Variants in DTNBP1 observed in about 807,000 individuals in gnomAD.
The protein encoded by DTNBP1 is dysbindin.
DTNBP1 carries 35 observed loss-of-function variants against 42.8 expected under a neutral mutation model. The ratio of observed to expected loss-of-function variants is 0.82; its 90% confidence interval spans 0.63 to 1.09. DTNBP1 has a LOEUF of 1.09. Ranked by LOEUF, DTNBP1 falls within the 50% of genes least tolerant of loss-of-function variation. The probability of loss-of-function intolerance (pLI) is 0.00; values close to 1 mark genes in which losing one functional copy is unlikely to be tolerated. For missense variants in DTNBP1, 457 were observed against 424.2 expected, an observed-to-expected ratio of 1.08 and a Z score of -0.68; for synonymous variants, 171 against 162.2, an observed-to-expected ratio of 1.05 and a Z score of -0.41.
intron 7 of DTNBP1, chr6:15,548,450 C>CACACACACAG (rs1774014538): frequency 6.7e-6 from 1 of 150,368 alleles, no homozygotes; most frequent in African/African-American, 2.5e-5. Flanking sequence ...CACACACACA[C>CACACACACAG]ACACACACAC....
rs189683532 is a variant in DTNBP1, at chr6:15,631,880, G to T, written c.223-4405C>A. 3.0e-3 allele frequency among the ~76,000 whole-genome samples: 460 copies of T among 152,272 alleles called. 3 individuals are homozygous for T. Among genetic ancestry groups the T allele is most frequent in the African/African-American group, 0.01 (430 of 41,552 alleles). ...TGATTGTTCTAATTTATACTCCCAAGTTCTAGTTGTTTATCATCACATTTC... is the reference window on the plus strand; with the variant it reads ...TGATTGTTCTAATTTATACTCCCAATTTCTAGTTGTTTATCATCACATTTC... On this transcript the variant is annotated intron_variant, in intron 4 of 9. Transcript: ENST00000344537.
intron 7 of DTNBP1, among the ~76,000 whole-genome samples, chr6:15,559,716 A>G (rs1774733117): frequency 6.6e-6 from 1 of 152,200 alleles, no homozygotes; most frequent in Non-Finnish European, 1.5e-5. Context: ...AAACGGCCCA[A>G]TTCTTCTCCA....
intron 7 of DTNBP1, among the ~76,000 whole-genome samples, chr6:15,538,107 G>A (rs1294153588): frequency 6.6e-6 from 1 of 152,182 alleles, no homozygotes; most frequent in Admixed American, 6.5e-5. Flanking sequence ...GGGCTGGGAT[G>A]GATTTTACCC....
intron 6 of DTNBP1, among the ~76,000 whole-genome samples, chr6:15,596,659 G>A (rs1192957371): frequency 1.3e-5 from 2 of 152,028 alleles, no homozygotes; most frequent in Admixed American, 6.6e-5. Flanking sequence ...GCTTACATTC[G>A]CTCATAAGCC....
At chr6:15,648,053 T>C (rs913832631) in intron 3 of DTNBP1, among the ~76,000 whole-genome samples, 1 of 152,042 alleles carries the variant, frequency 6.6e-6, no homozygotes, top group Non-Finnish European at 1.5e-5. Context: ...AAAAGCATTA[T>C]ACACAATTTC....
intron 7 of DTNBP1, among the ~76,000 whole-genome samples, chr6:15,541,961 C>G (rs1441745064): frequency 6.6e-6 from 1 of 152,108 alleles, no homozygotes; most frequent in Non-Finnish European, 1.5e-5. Context: ...ATAAGCCTCT[C>G]TCTTAAGAGT....
intron 6 of DTNBP1, among the ~76,000 whole-genome samples, chr6:15,603,186 G>A (rs1197418367): frequency 6.6e-6 from 1 of 152,194 alleles, no homozygotes; most frequent in Non-Finnish European, 1.5e-5. Flanking sequence ...AAAATGTAAG[G>A]TGTGATTACA....
intron 1 of DTNBP1, chr6:15,660,257 T>C: frequency 2.4e-6 from 2 of 839,194 alleles, no homozygotes; most frequent in South Asian, 2.8e-5. Context: ...AATAAACACA[T>C]GTGTGCTGTG....
chr6:15,564,397 T>C (rs1048460618), intron 7 of DTNBP1, among the ~76,000 whole-genome samples: 1 of 151,716 alleles, frequency 6.6e-6, no homozygotes, highest in Non-Finnish European at 1.5e-5. Flanking sequence ...ACAAAAAAAA[T>C]TTTTCCTTTC....
chr6:15,625,972 CTT>C (rs1339171982), intron 5 of DTNBP1, among the ~76,000 whole-genome samples: 1 of 152,212 alleles, frequency 6.6e-6, no homozygotes, highest in Non-Finnish European at 1.5e-5. Context: ...CCCAGAATCT[CTT>C]TTCCATGCCC....
intron 1 of DTNBP1, 70 bp from the exon 2 acceptor site, chr6:15,652,210 C>G: frequency 2.3e-6 from 3 of 1,284,736 alleles, no homozygotes; most frequent in Non-Finnish European, 3.3e-6. Context: ...GAGACAGGGT[C>G]TCACTCTGTC....
chr6:15,556,596 T>C (rs1774536267), intron 7 of DTNBP1, among the ~76,000 whole-genome samples: 1 of 152,170 alleles, frequency 6.6e-6, no homozygotes, highest in Non-Finnish European at 1.5e-5. Flanking sequence ...AAGGAGAAAC[T>C]TAAGAGCTCA....
At chr6:15,651,093 T>C (rs1333588266) in intron 3 of DTNBP1, among the ~76,000 whole-genome samples, 1 of 152,182 alleles carries the variant, frequency 6.6e-6, no homozygotes, top group Non-Finnish European at 1.5e-5. Flanking sequence ...TATTGACTTG[T>C]AAATACAATA....
At chr6:15,632,204 CACTT>C (rs1204027726) in intron 4 of DTNBP1, among the ~76,000 whole-genome samples, 5 of 152,164 alleles carry the variant, frequency 3.3e-5, no homozygotes, top group Non-Finnish European at 7.4e-5. Context: ...TCTTATAAAT[CACTT>C]AATTTTTCAC....
At chr6:15,563,653 G>A (rs1774938847) in intron 7 of DTNBP1, among the ~76,000 whole-genome samples, 1 of 152,186 alleles carries the variant, frequency 6.6e-6, no homozygotes. Flanking sequence ...CCACAGAAGA[G>A]CCAAATCAGC....
At chr6:15,576,711 G>A (rs1226871042) in intron 7 of DTNBP1, among the ~76,000 whole-genome samples, 1 of 148,862 alleles carries the variant, frequency 6.7e-6, no homozygotes, top group East Asian at 2.0e-4. Flanking sequence ...GGAGGTTGCA[G>A]TGAGCCGAGA....
chr6:15,632,576 A>T (rs1333933965), intron 4 of DTNBP1, among the ~76,000 whole-genome samples: 1 of 152,236 alleles, frequency 6.6e-6, no homozygotes, highest in African/African-American at 2.4e-5. Flanking sequence ...ATTTAGCAAG[A>T]TGGCCGAATA....
intron 4 of DTNBP1, among the ~76,000 whole-genome samples, chr6:15,629,824 C>T (rs1210327171): frequency 2.0e-5 from 3 of 152,082 alleles, no homozygotes; most frequent in African/African-American, 7.2e-5. Context: ...GGGAATTTGA[C>T]AGTAAGCCTA....
chr6:15,657,867 C>G (rs896771522), intron 1 of DTNBP1, among the ~76,000 whole-genome samples: 3 of 152,230 alleles, frequency 2.0e-5, no homozygotes, highest in African/African-American at 7.2e-5. Context: ...CTGCTTCCAT[C>G]TCTGAAATGT....
Sources: gnomAD v4.1 joint callset for allele counts (sites outside exome capture counted in the v4.1 genomes callset) on GRCh38, gnomAD v4.1.1 for gene constraint, MANE v1.5 for transcripts, NCBI Gene and HGNC (gene_info 2026-07-23, HGNC 2026-07-21) for gene names.